The following HMX1 variants were observed in gnomAD, a reference collection of about 807,000 sequenced individuals.
HMX1 encodes H6 family homeobox 1.
HMX1 carries 8 observed loss-of-function variants against 8.9 expected under a neutral mutation model. The ratio of observed to expected loss-of-function variants is 0.90; its 90% CI spans 0.53 to 1.63. HMX1 has a LOEUF of 1.63. Ranked by LOEUF, HMX1 falls within the 40% of genes most tolerant of loss-of-function variation. The pLI, the probability that HMX1 is intolerant of heterozygous loss-of-function variation, is 0.00. For missense variants in HMX1, 621 were observed against 558.5 expected, an observed-to-expected ratio of 1.11 and a Z score of -1.13; for synonymous variants, 311 against 283.4, an observed-to-expected ratio of 1.10 and a Z score of -0.98.
At chr4:8,858,041 C>G (rs1207936284) in intron 1 of HMX1, among the ~76,000 whole-genome samples, 1 of 151,926 alleles carries the variant, frequency 6.6e-6, no homozygotes, top group African/African-American at 2.4e-5. Context: ...AGGGCTAATG[C>G]GATGTACTGT....
rs1397306867 is a variant in HMX1 at position 8,868,046 on chromosome 4, C to G, written c.694G>C (p.Glu232Gln). ...AGGGAGGCGGCCAGGCCGGCGCGCT[C>G]GGCGCTGCTCAGGTAGCGCTTCAGG... is the stretch of plus-strand genomic sequence containing the variant. ...FDLKRYLSSAERAGLAASLQL... is the reference protein window; with the variant it reads ...FDLKRYLSSAQRAGLAASLQL... The change falls in exon 2 of 2, where the codon GAG becomes CAG. Residue 232 changes from glutamate to glutamine, a missense_variant. Glu to Gln is a conservative substitution (Grantham distance 29, BLOSUM62 2). Coordinates refer to ENST00000400677, the MANE Select transcript of HMX1 (RefSeq NM_018942.3). This position sits in a 1 kb window ranked among gnomAD's most constrained non-coding sequence, Gnocchi z 4.6. The G allele has an allele frequency of 3.3e-6, 5 of 1,535,316 alleles. No individual in the cohort carries two copies. The highest frequency in any genetic ancestry group is 1.9e-5 in the Admixed American group (1 of 51,752).
In HMX1 at chr4:8,867,635, G is replaced by T; in HGVS notation, c.*58C>A. The T allele has an allele frequency of 8.3e-7, 1 of 1,210,502 alleles. No homozygotes were observed. The highest frequency in any genetic ancestry group is 1.0e-6 in the Non-Finnish European group (1 of 973,624). 75.0% of individuals were successfully genotyped at this position (1,210,502 alleles called of 1,614,324 possible). A position where few individuals can be genotyped will look rare whatever the true frequency, so the allele number is the denominator to read the frequency against. ...CCCCCTGAGCCCTGCGCCTGCCGCT[G>T]AATCGCGCGTCCACACAGGTCCACA... On this transcript the variant is annotated 3_prime_UTR_variant, in exon 2 of 2. Coordinates refer to ENST00000400677, the MANE Select transcript of HMX1 (RefSeq NM_018942.3).
chr4:8,867,439 C>G lies in HMX1; in HGVS notation c.*254G>C. 1 of 1,111,028 alleles carries G rather than the reference C, an allele frequency of 9.0e-7. No homozygotes were observed. The highest frequency in any genetic ancestry group is 1.1e-6 in the Non-Finnish European group (1 of 911,472). The allele number at this position is 1,111,028 out of a possible 1,614,324, so 68.8% of individuals were successfully genotyped here. A position where few individuals can be genotyped will look rare whatever the true frequency, so the allele number is the denominator to read the frequency against. ...GCCGTGGCGCCGGGGGCTGCGCAGCCCAGAGTCTCTGCATGGCCCCCTGTT... is the reference window on the plus strand; with the variant it reads ...GCCGTGGCGCCGGGGGCTGCGCAGCGCAGAGTCTCTGCATGGCCCCCTGTT... On this transcript the variant is annotated 3_prime_UTR_variant, in exon 2 of 2. Transcript: ENST00000400677.
chr4:8,852,118 G>A (rs898211468), intron 1 of HMX1, among the ~76,000 whole-genome samples: 3 of 152,260 alleles, frequency 2.0e-5, no homozygotes, highest in African/African-American at 7.2e-5. Flanking sequence ...TGTGGGCAAG[G>A]AGAGCGTGAT....
At chr4:8,846,430 C>G (rs1287588149) in intron 1 of HMX1, 31 of 845,058 alleles carry the variant, frequency 3.7e-5, no homozygotes, top group Non-Finnish European at 5.3e-5. Context: ...AAACCCAAAC[C>G]TGGCTCACAG....
chr4:8,853,778 G>A lies in HMX1; in HGVS notation c.395-7454C>T, dbSNP rs1464629073. ...TGAGACAGGAGAATTGTTTGAACCC[G>A]GGAGGTGGAGGTTGCAGTGAGCCGA... On this transcript the variant is annotated intron_variant, in intron 1 of 1. Coordinates refer to the HMX1 transcript ENST00000506970. This position sits in a 1 kb window ranked among gnomAD's most constrained non-coding sequence, Gnocchi z 4.7. Among the ~76,000 whole-genome samples the A allele has an allele frequency of 2.0e-5, 3 of 151,140 alleles. No individual in the cohort carries two copies. The highest frequency in any genetic ancestry group is 6.6e-5 in the Admixed American group (1 of 15,198).
Position 8,867,489 on chromosome 4 carries a change from T to A in HMX1, c.*204A>T. ...TCGAGTGGGGATCCAGCCTGGCAAA[T>A]GGGTGGGGCGTCCCATTACATTCTA... is the stretch of plus-strand genomic sequence containing the variant. On this transcript the variant is annotated 3_prime_UTR_variant, in exon 2 of 2. Coordinates refer to ENST00000400677, the MANE Select transcript of HMX1 (RefSeq NM_018942.3). The A allele has an allele frequency of 8.7e-7, 1 of 1,153,960 alleles. No individual in the cohort carries two copies. The allele number at this position is 1,153,960 out of a possible 1,614,324, so 71.5% of individuals were successfully genotyped here.
chr4:8,866,115 A>G (rs1461235225), downstream of HMX1, among the ~76,000 whole-genome samples: 1 of 151,972 alleles, frequency 6.6e-6, no homozygotes, highest in African/African-American at 2.4e-5. Context: ...GTAAGGAACC[A>G]ACTGATGGGC....
Position 8,852,124 on chromosome 4 carries a change from G to A in HMX1, c.395-5800C>T, listed in dbSNP as rs140504607. Among the ~76,000 whole-genome samples the A allele has an allele frequency of 2.9e-3, 438 of 152,350 alleles. 4 individuals are homozygous for A. The highest frequency in any genetic ancestry group is 9.6e-3 in the African/African-American group (398 of 41,584). ...CCAAGGGGCTGTGGGCAAGGAGAGC[G>A]TGATGAGTATTGACCCTGCATTCAA... On this transcript the variant is annotated intron_variant, in intron 1 of 1. Coordinates refer to the HMX1 transcript ENST00000506970.
rs1722201115 is a variant in HMX1 at position 8,871,178 on chromosome 4, C to T, written c.394+43G>A. ...CCCAGCAAATGCGCAGGGAGGAAGT[C>T]GGGCCCCACCGCCTGACCCACCCTC... is the stretch of plus-strand genomic sequence containing the variant. On this transcript the variant is annotated intron_variant, in intron 1 of 1. Transcript: ENST00000400677. The surrounding 1 kb of genome is among the most constrained non-coding windows in gnomAD (Gnocchi z 4.8). 1.5e-6 allele frequency: 2 copies of T among 1,356,456 alleles called. No individual in the cohort carries two copies. The highest frequency in any genetic ancestry group is 3.4e-5 in the Admixed American group (1 of 29,386). 84.0% of individuals were successfully genotyped at this position (1,356,456 alleles called of 1,614,324 possible).
In HMX1 at chr4:8,848,314, T is replaced by C. The variant is rs1015715866; in HGVS notation, c.395-1990A>G. On this transcript the variant is annotated intron_variant, in intron 1 of 1. Coordinates refer to the HMX1 transcript ENST00000506970. This position sits in a 1 kb window ranked among gnomAD's most constrained non-coding sequence, Gnocchi z 4.1. ...GATGAAATTATCATTTATTTGCAAC[T>C]GTTTGTTCTTTAATGTAGCTACTAG... Among the ~76,000 whole-genome samples, 10 of 152,248 alleles carry C rather than the reference T, an allele frequency of 6.6e-5. No individual in the cohort carries two copies. The highest frequency in any genetic ancestry group is 2.4e-4 in the African/African-American group (10 of 41,462).
intron 1 of HMX1, among the ~76,000 whole-genome samples, chr4:8,860,205 G>C (rs557958619): frequency 1.3e-5 from 2 of 152,340 alleles, no homozygotes; most frequent in African/African-American, 4.8e-5. Flanking sequence ...CCAAATGGAA[G>C]TGGGGGCGCC....
chr4:8,871,229 C>A lies in HMX1; in HGVS notation c.386G>T (p.Ser129Ile), dbSNP rs748375467. ...CCCGCGCCCTCACTCACTGTCAGGACTGAGGCCGCCTCCATAGCCACCGTG... is the reference window on the plus strand; with the variant it reads ...CCCGCGCCCTCACTCACTGTCAGGAATGAGGCCGCCTCCATAGCCACCGTG... ...RAHGGYGGGL[S>I]PDTSDRDSPE... Residue 129 changes from serine to isoleucine, a missense_variant, in exon 1 of 2, where the codon AGT (serine) becomes ATT (isoleucine). Transcript: ENST00000400677. This position sits in a 1 kb window ranked among gnomAD's most constrained non-coding sequence, Gnocchi z 4.8. 20 of 1,479,536 alleles carry A rather than the reference C, an allele frequency of 1.4e-5. No individual in the cohort carries two copies. In the South Asian group the frequency reaches 2.5e-4, roughly 19 times the overall value. The allele number at this position is 1,479,536 out of a possible 1,614,324, so 91.7% of individuals were successfully genotyped here. A position where few individuals can be genotyped will look rare whatever the true frequency, so the allele number is the denominator to read the frequency against.
intron 1 of HMX1, among the ~76,000 whole-genome samples, chr4:8,854,653 C>T (rs1209625608): frequency 6.6e-6 from 1 of 152,234 alleles, no homozygotes; most frequent in East Asian, 1.9e-4. Context: ...AGACCACACG[C>T]TCATGCCAGA....
In HMX1 at chr4:8,868,840, C is replaced by G. The variant is rs527694626; in HGVS notation, c.395-495G>C. Among the ~76,000 whole-genome samples the G allele has an allele frequency of 6.6e-6, 1 of 152,298 alleles. No individual in the cohort carries two copies. The highest frequency in any genetic ancestry group is 1.9e-4 in the East Asian group (1 of 5,170). On this transcript the variant is annotated intron_variant, in intron 1 of 1. Transcript: ENST00000400677. This position sits in a 1 kb window ranked among gnomAD's most constrained non-coding sequence, Gnocchi z 4.6. ...CCCCCTGCCACCTGGCATCCAGCCC[C>G]ACGCCAAGCTCCCCAGAAGGAGGAA...
In HMX1 at chr4:8,867,879, G is replaced by A. The variant is rs2109472844; in HGVS notation, c.861C>T (p.His287=). Residue 287 remains histidine (H), a synonymous_variant, in exon 2 of 2, where the codon CAC becomes CAT. Transcript: ENST00000400677. ...CGGCGGCTGCGGCCGGGGGGCTTTCGTGGTAGAGCACCGGCACGCGGACCA... is the reference window on the plus strand; with the variant it reads ...CGGCGGCTGCGGCCGGGGGGCTTTCATGGTAGAGCACCGGCACGCGGACCA... ...QRLVRVPVLY[H]ESPPAAAAAG... The A allele has an allele frequency of 7.0e-6, 9 of 1,288,790 alleles. No individual in the cohort carries two copies. The East Asian group carries it at 9.4e-5, about 13-fold the overall frequency. 79.8% of individuals were successfully genotyped at this position (1,288,790 alleles called of 1,614,324 possible).
In HMX1 at chr4:8,867,931, C is replaced by T. The variant is rs1435801625; in HGVS notation, c.809G>A (p.Ser270Asn). Reference protein sequence around the residue: ...RQLAAELEAASLSPPGAQRLV... With the variant: ...RQLAAELEAANLSPPGAQRLV... Reference sequence around the variant, plus strand: ...GCGCTGCGCTCCCGGCGGGGACAGGCTGGCCGCCTCCAGCTCGGCTGCCAG... The same window carrying T: ...GCGCTGCGCTCCCGGCGGGGACAGGTTGGCCGCCTCCAGCTCGGCTGCCAG... Residue 270 changes from serine to asparagine, a missense_variant, in exon 2 of 2, where the codon AGC (serine) becomes AAC (asparagine). Physicochemically the swap from Ser to Asn is conservative, Grantham distance 46. Coordinates refer to ENST00000400677, the MANE Select transcript of HMX1 (RefSeq NM_018942.3). The T allele has an allele frequency of 2.7e-6, 4 of 1,466,128 alleles. No individual in the cohort carries two copies. The highest frequency in any genetic ancestry group is 2.2e-4 in the Middle Eastern group (1 of 4,504). The allele number at this position is 1,466,128 out of a possible 1,614,324, so 90.8% of individuals were successfully genotyped here. A position where few individuals can be genotyped will look rare whatever the true frequency, so the allele number is the denominator to read the frequency against.
At position 8,867,753 on chromosome 4, in the gene HMX1, G is replaced by T; in HGVS notation, c.987C>A (p.Ala329=). The change falls in exon 2 of 2, where the codon GCC becomes GCA. Residue 329 remains alanine, a synonymous_variant. Coordinates refer to ENST00000400677, the MANE Select transcript of HMX1 (RefSeq NM_018942.3). ...GCACGGAGGCGGCGGCCGGGAAGGC[G>T]GCCAGCGGGTAGGCGAGGGCCCCGG... ...GFSGALAYPL[A]AFPAAASVPF... The T allele has an allele frequency of 7.8e-7, 1 of 1,288,188 alleles. No homozygotes were observed. The highest frequency in any genetic ancestry group is 9.8e-7 in the Non-Finnish European group (1 of 1,021,380). 79.8% of individuals were successfully genotyped at this position (1,288,188 alleles called of 1,614,324 possible). A position where few individuals can be genotyped will look rare whatever the true frequency, so the allele number is the denominator to read the frequency against.
Position 8,871,768 on chromosome 4 carries a change from G to A in HMX1, c.-154C>T, listed in dbSNP as rs1410555332. 4.3e-6 allele frequency: 4 copies of A among 935,102 alleles called. No individual in the cohort carries two copies. The highest frequency in any genetic ancestry group is 6.1e-5 in the Admixed American group (1 of 16,350). 57.9% of individuals were successfully genotyped at this position (935,102 alleles called of 1,614,324 possible). A position where few individuals can be genotyped will look rare whatever the true frequency, so the allele number is the denominator to read the frequency against. The stretch of plus-strand genomic sequence containing the variant: ...CAGGGCAGGCGGCGGCCTCCGCGCC[G>A]GGCTGGGCTGGGCCGGGCCGGGAGC... On this transcript the variant is annotated 5_prime_UTR_variant, in exon 1 of 2. Transcript: ENST00000400677. This position sits in a 1 kb window ranked among gnomAD's most constrained non-coding sequence, Gnocchi z 4.8.
Sources: gnomAD v4.1 joint callset for allele counts (sites outside exome capture counted in the v4.1 genomes callset) on GRCh38, gnomAD v4.1.1 for gene constraint, Gnocchi (gnomAD v3.1) non-coding constraint, MANE v1.5 for transcripts, NCBI Gene and HGNC (gene_info 2026-07-23, HGNC 2026-07-21) for gene names.